The following SHE variants were observed in gnomAD, a reference collection of about 807,000 sequenced individuals.
The protein encoded by SHE is SH2 domain-containing adapter protein E.
In SHE, 11 loss-of-function variants were observed where a neutral mutation model predicts 49.8. The ratio of observed to expected loss-of-function variants is 0.22; its 90% confidence interval spans 0.14 to 0.37. The LOEUF is 0.37. SHE is among the 10% of genes least tolerant of loss of function. SHE has a pLI of 1.00. For synonymous variants in SHE, 310 were observed against 278.1 expected (o/e 1.11, Z -1.14); for missense variants, 624 against 655.5 (o/e 0.95, Z 0.52).
At position 154,489,147 on chromosome 1, in the gene SHE, GGGGCCGCGCCTTCCCCTCTGCCCT is replaced by G. The variant is rs1195350063; in HGVS notation, c.904_927del (p.Arg302_Pro309del). The stretch of plus-strand genomic sequence containing the variant: ...TCGTTCTCGGGCAGCCGGCTGTCTG[GGGGCCGCGCCTTCCCCTCTGCCCT>G]GGGCCCCCCTTCTGCAGGCTCGTAG... On this transcript the variant is annotated inframe_deletion, in exon 3 of 6. Transcript: ENST00000304760. The G allele has an allele frequency of 4.3e-6, 7 of 1,613,918 alleles. No homozygotes were observed. Among genetic ancestry groups the G allele is most frequent in the Non-Finnish European group, 5.9e-6 (7 of 1,179,984 alleles).
chr1:154,491,849 CGA>C (rs913744196), intron 2 of SHE, among the ~76,000 whole-genome samples: 4 of 152,046 alleles, frequency 2.6e-5, no homozygotes, highest in Non-Finnish European at 4.4e-5. Flanking sequence ...AGATTGAAAA[CGA>C]GAGAGGATCA....
At position 154,485,751 on chromosome 1, in the gene SHE, G is replaced by A. The variant is rs1692157048; in HGVS notation, c.1301+192C>T. On this transcript the variant is annotated intron_variant, in intron 5 of 5. Transcript: ENST00000304760. ...ACCTTCATTATCATAATAGATAATG[G>A]AGGCATTTACCCAATACCAATTTTG... 9.2e-6 allele frequency: 5 copies of A among 540,552 alleles called. No individual in the cohort carries two copies. The South Asian group carries it at 1.1e-4, about 12-fold the overall frequency. The allele number at this position is 540,552 out of a possible 1,614,324, so 33.5% of individuals were successfully genotyped here. A position where few individuals can be genotyped will look rare whatever the true frequency, so the allele number is the denominator to read the frequency against.
In SHE at chr1:154,481,566, T is replaced by C. The variant is rs376591477; in HGVS notation, c.*2583A>G. 3.0e-6 allele frequency: 3 copies of C among 985,414 alleles called. No homozygotes were observed. Among genetic ancestry groups the C allele is most frequent in the South Asian group, 4.7e-5 (1 of 21,288 alleles). The allele number at this position is 985,414 out of a possible 1,614,324, so 61.0% of individuals were successfully genotyped here. A position where few individuals can be genotyped will look rare whatever the true frequency, so the allele number is the denominator to read the frequency against. On this transcript the variant is annotated 3_prime_UTR_variant, in exon 6 of 6. Transcript: ENST00000304760. The stretch of plus-strand genomic sequence containing the variant: ...GTTGCTGGGTATGGGCCAAAAATCA[T>C]TTAGTGCACAAAGAAAAATTGTATA...
intron 2 of SHE, among the ~76,000 whole-genome samples, chr1:154,494,272 C>G (rs1692455766): frequency 6.6e-6 from 1 of 151,598 alleles, no homozygotes; most frequent in Admixed American, 6.6e-5. Flanking sequence ...TGAAATTTAG[C>G]GAGGAGAATA....
Position 154,482,770 on chromosome 1 carries a change from TG to T in SHE, c.*1378del. The T allele has an allele frequency of 1.0e-6, 1 of 985,132 alleles. No individual in the cohort carries two copies. Among genetic ancestry groups the T allele is most frequent in the Non-Finnish European group, 1.2e-6 (1 of 829,630 alleles). 61.0% of individuals were successfully genotyped at this position (985,132 alleles called of 1,614,324 possible). On this transcript the variant is annotated 3_prime_UTR_variant, in exon 6 of 6. Coordinates refer to ENST00000304760, the MANE Select transcript of SHE (RefSeq NM_001010846.3). ...TCCTAATACTATGAATCTTAAGTAA[TG>T]GTATTTAAGAGAAAACCTCTAGGTC... is the stretch of plus-strand genomic sequence containing the variant.
chr1:154,486,689 AG>A lies in SHE; in HGVS notation c.1025-7del. 1 of 1,613,872 alleles carries A rather than the reference AG, an allele frequency of 6.2e-7. No homozygotes were observed. Among genetic ancestry groups the A allele is most frequent in the Non-Finnish European group, 8.5e-7 (1 of 1,180,008 alleles). ...CTCAGCTCCTTCAAACTGGACTGGA[AG>A]GAAGACTCCATTTAACATCACAGGC... On this transcript the variant is annotated splice_polypyrimidine_tract_variant and splice_region_variant and intron_variant, in intron 3 of 5. Transcript: ENST00000304760.
Position 154,483,123 on chromosome 1 carries a change from T to C in SHE, c.*1026A>G. The C allele has an allele frequency of 1.0e-6, 1 of 985,082 alleles. No individual in the cohort carries two copies. Among genetic ancestry groups the C allele is most frequent in the Non-Finnish European group, 1.2e-6 (1 of 829,574 alleles). The allele number at this position is 985,082 out of a possible 1,614,324, so 61.0% of individuals were successfully genotyped here. On this transcript the variant is annotated 3_prime_UTR_variant, in exon 6 of 6. Coordinates refer to ENST00000304760, the MANE Select transcript of SHE (RefSeq NM_001010846.3). ...CCTTTTATTCTATAATTCAGAATTC[T>C]AATAATGATGCCAATGCCTAATGAT...
chr1:154,494,058 C>G (rs1366318889), intron 2 of SHE, among the ~76,000 whole-genome samples: 6 of 152,214 alleles, frequency 3.9e-5, no homozygotes, highest in Non-Finnish European at 1.5e-5. Context: ...TTCCCCTAAT[C>G]CATTTTAACC....
downstream of SHE, among the ~76,000 whole-genome samples, chr1:154,478,601 G>A (rs559351637): frequency 6.6e-6 from 1 of 152,134 alleles, no homozygotes; most frequent in Non-Finnish European, 1.5e-5. Flanking sequence ...ATGAGATGCT[G>A]TATGATGAAA....
In SHE at chr1:154,502,318, G is replaced by A; in HGVS notation, c.-292C>T. ...TTTCCTCCTGCGGTGGGAGAGGCCA[G>A]GCCCACGGAAGCCCCCTGCGGCCCA... On this transcript the variant is annotated 5_prime_UTR_variant, in exon 1 of 6. Coordinates refer to ENST00000304760, the MANE Select transcript of SHE (RefSeq NM_001010846.3). 1 of 181,444 alleles carries A rather than the reference G, an allele frequency of 5.5e-6. No individual in the cohort carries two copies. Among genetic ancestry groups the A allele is most frequent in the Non-Finnish European group, 1.1e-5 (1 of 87,554 alleles). The allele number at this position is 181,444 out of a possible 1,614,324, so 11.2% of individuals were successfully genotyped here. A position where few individuals can be genotyped will look rare whatever the true frequency, so the allele number is the denominator to read the frequency against.
chr1:154,500,070 T>C (rs773171669), intron 1 of SHE, among the ~76,000 whole-genome samples: 7 of 152,174 alleles, frequency 4.6e-5, no homozygotes, highest in Non-Finnish European at 1.0e-4. Context: ...ACACTGGAGT[T>C]GGTGAGAATT....
At position 154,501,903 on chromosome 1, in the gene SHE, A is replaced by C. The variant is rs1692783494; in HGVS notation, c.124T>G (p.Phe42Val). 3 of 1,510,508 alleles carry C rather than the reference A, an allele frequency of 2.0e-6. No individual in the cohort carries two copies. The highest frequency in any genetic ancestry group is 2.5e-5 in the South Asian group (2 of 81,396). The allele number at this position is 1,510,508 out of a possible 1,614,324, so 93.6% of individuals were successfully genotyped here. Residue 42 changes from phenylalanine (F) to valine (V), a missense_variant, in exon 1 of 6, where the codon TTC (phenylalanine) becomes GTC (valine). Phe to Val is a conservative substitution (Grantham distance 50). Coordinates refer to ENST00000304760, the MANE Select transcript of SHE (RefSeq NM_001010846.3). Reference sequence around the variant, plus strand: ...TTCAGGTTCAGGGGGAACTCCTTGAACCACTTGGCCGCCATGAGGGGGCCC... The same window carrying C: ...TTCAGGTTCAGGGGGAACTCCTTGACCCACTTGGCCGCCATGAGGGGGCCC... ...GRGPLMAAKW[F>V]KEFPLNLKTV...
Position 154,485,997 on chromosome 1 carries a change from C to T in SHE, c.1247G>A (p.Gly416Asp), listed in dbSNP as rs367732076. Residue 416 changes from glycine to aspartate, a missense_variant, in exon 5 of 6, where the codon GGT (glycine) becomes GAT (aspartate). Gly to Asp is a moderately conservative substitution (Grantham distance 94). Around this residue, in one of 4 missense-constraint regions of SHE, gnomAD observed 125 missense variants for 181.7 expected, o/e 0.69. Coordinates refer to ENST00000304760, the MANE Select transcript of SHE (RefSeq NM_001010846.3). ...TGACTCACTATTTCGAACCAGGTAA[C>T]CAGCTTCTTTGCAGGGCTGTAGTCG... ...ESRLQPCKEA[G>D]YLVRNSESGN... 1 of 1,614,110 alleles carries T rather than the reference C, an allele frequency of 6.2e-7. No individual in the cohort carries two copies.
chr1:154,497,135 A>T (rs750245154), intron 2 of SHE, among the ~76,000 whole-genome samples: 1 of 152,176 alleles, frequency 6.6e-6, no homozygotes, highest in Non-Finnish European at 1.5e-5. Flanking sequence ...CCCCACACGG[A>T]GGGCCTTATC....
chr1:154,486,675 C>G lies in SHE; in HGVS notation c.1033G>C (p.Glu345Gln), dbSNP rs562987606. The G allele has an allele frequency of 6.2e-7, 1 of 1,614,076 alleles. No homozygotes were observed. The highest frequency in any genetic ancestry group is 1.1e-5 in the South Asian group (1 of 91,084). ...CTGAAGGAAGGTCGCTCAGCTCCTT[C>G]AAACTGGACTGGAAGGAAGACTCCA... ...QIVRALSVQF[E>Q]GAERPSFREE... Residue 345 changes from glutamate (E) to glutamine (Q), a missense_variant, in exon 4 of 6, where the codon GAA becomes CAA. This residue lies in a region of SHE where 155 missense variants were observed against 142.0 expected (regional missense o/e 1.09). Coordinates refer to ENST00000304760, the MANE Select transcript of SHE (RefSeq NM_001010846.3).
At chr1:154,490,624 G>A (rs1422467524) in intron 2 of SHE, among the ~76,000 whole-genome samples, 1 of 152,200 alleles carries the variant, frequency 6.6e-6, no homozygotes, top group Non-Finnish European at 1.5e-5. Context: ...GTTCCATAAT[G>A]GGGAGCTGAG....
chr1:154,489,933 T>A (rs775575870), intron 2 of SHE, among the ~76,000 whole-genome samples: 25 of 152,252 alleles, frequency 1.6e-4, no homozygotes, highest in Non-Finnish European at 3.1e-4. Context: ...GAACATCTCA[T>A]GTGATCTACT....
In SHE at chr1:154,481,510, C is replaced by G; in HGVS notation, c.*2639G>C. ...ATACTTAATGTATCTGGCCTGTTTT[C>G]AAGATGTTATTTCATTATACATTCA... On this transcript the variant is annotated 3_prime_UTR_variant, in exon 6 of 6. Coordinates refer to ENST00000304760, the MANE Select transcript of SHE (RefSeq NM_001010846.3). The G allele has an allele frequency of 1.0e-6, 1 of 985,380 alleles. No homozygotes were observed. The highest frequency in any genetic ancestry group is 1.2e-6 in the Non-Finnish European group (1 of 829,936). 61.0% of individuals were successfully genotyped at this position (985,380 alleles called of 1,614,324 possible). A position where few individuals can be genotyped will look rare whatever the true frequency, so the allele number is the denominator to read the frequency against.
intron 2 of SHE, among the ~76,000 whole-genome samples, chr1:154,493,620 G>A (rs1467647739): frequency 6.6e-6 from 1 of 152,142 alleles, no homozygotes; most frequent in African/African-American, 2.4e-5. Flanking sequence ...CATTATAGGG[G>A]CCCAAAATTT....
Sources: allele counts gnomAD v4.1 joint callset (sites outside exome capture counted in the v4.1 genomes callset), GRCh38; gene constraint gnomAD v4.1.1; regional missense constraint gnomAD v4.1.1; transcripts MANE v1.5; gene names NCBI Gene and HGNC (gene_info 2026-07-23, HGNC 2026-07-21).